Variants in ZBBX observed in about 807,000 individuals in gnomAD.
ZBBX encodes zinc finger B-box domain containing.
ZBBX carries 101 observed loss-of-function variants against 108.5 expected under a neutral mutation model. The ratio of observed to expected loss-of-function variants is 0.93; its 90% CI spans 0.79 to 1.10. ZBBX has a LOEUF of 1.10. Among genes scored for constraint, ZBBX ranks in the 50% least tolerant of loss-of-function variants. The probability of loss-of-function intolerance (pLI) is 0.00; values close to 1 mark genes in which losing one functional copy is unlikely to be tolerated. For synonymous variants in ZBBX, 356 were observed against 323.4 expected, an observed-to-expected ratio of 1.10 and a Z score of -1.08; for missense variants, 1,009 against 941.4, an observed-to-expected ratio of 1.07 and a Z score of -0.94.
At chr3:167,364,405 G>T (rs551935901) in intron 6 of ZBBX, among the ~76,000 whole-genome samples, 1 of 151,562 alleles carries the variant, frequency 6.6e-6, no homozygotes, top group East Asian at 1.9e-4. Context: ...CTTTACTTTC[G>T]TCCTTATAAC....
intron 6 of ZBBX, among the ~76,000 whole-genome samples, chr3:167,361,035 G>A (rs1175888310): frequency 1.3e-5 from 2 of 151,936 alleles, no homozygotes; most frequent in African/African-American, 4.8e-5. Flanking sequence ...TTCAAATATT[G>A]TAAAGGTTTA....
At chr3:167,241,029 G>A (rs943784105) in intron 21 of ZBBX, 110 bp from the exon 22 acceptor site, 10 of 1,278,138 alleles carry the variant, frequency 7.8e-6, no homozygotes, top group Non-Finnish European at 9.6e-6. Context: ...GCAAGCAGAT[G>A]TGAGGGAGCT....
At chr3:167,396,530 C>T (rs551099404) in intron 1 of ZBBX, among the ~76,000 whole-genome samples, 2 of 151,976 alleles carry the variant, frequency 1.3e-5, no homozygotes, top group Non-Finnish European at 2.9e-5. Flanking sequence ...ATTTTCTTTA[C>T]CCAGATTGGG....
At chr3:167,190,178 G>T in the ZBBX span, among the ~76,000 whole-genome samples, 2 of 151,974 alleles carry the variant, frequency 1.3e-5, no homozygotes, top group Non-Finnish European at 2.9e-5. Flanking sequence ...ATAATGTCTA[G>T]ATAGTATAGA....
At chr3:167,383,796 C>G (rs966012169), upstream of ZBBX, among the ~76,000 whole-genome samples, 1 of 152,056 alleles carries the variant, frequency 6.6e-6, no homozygotes, top group Non-Finnish European at 1.5e-5. Context: ...ATTCCAGGCA[C>G]GGCCCTAAGA....
chr3:167,252,091 C>A, intron 20 of ZBBX: 1 of 1,240,188 alleles, frequency 8.1e-7, no homozygotes, highest in Non-Finnish European at 1.1e-6. Flanking sequence ...CTGATATCAG[C>A]CACAGCAATT....
chr3:167,283,014 A>G (rs543466527), intron 19 of ZBBX, among the ~76,000 whole-genome samples: 37 of 152,352 alleles, frequency 2.4e-4, no homozygotes, highest in African/African-American at 8.9e-4. Context: ...CAAAATCTAT[A>G]TGAATATTTG....
intron 11 of ZBBX, 38 bp from the exon 12 acceptor site, chr3:167,322,275 C>A (rs752518596): frequency 2.8e-6 from 4 of 1,412,074 alleles, no homozygotes; most frequent in Middle Eastern, 1.9e-4. Context: ...TTAAAATAAG[C>A]AAGTTTACAA....
At chr3:167,195,337 G>T in the ZBBX span, among the ~76,000 whole-genome samples, 1 of 152,142 alleles carries the variant, frequency 6.6e-6, no homozygotes, top group Non-Finnish European at 1.5e-5. Flanking sequence ...CTGGCAATAA[G>T]AAATTAGTGT....
At chr3:167,300,670 C>T (rs376673019) in intron 17 of ZBBX, among the ~76,000 whole-genome samples, 14 of 149,734 alleles carry the variant, frequency 9.3e-5, no homozygotes, top group African/African-American at 1.7e-4. Context: ...AGTGCAATGG[C>T]GCGACCTCAG....
rs1339851334 is a variant in ZBBX, at chr3:167,305,823, A to T, written c.1545T>A (p.Ser515Arg). Residue 515 changes from serine to arginine, a missense_variant, in exon 17 of 22, where the codon AGT becomes AGA. Transcript: ENST00000675490. ...NLKEKNIGLE[S>R]NQKSDDSCVS... Reference sequence around the variant, plus strand: ...CACAGGAATCATCAGACTTTTGATTACTTTCTAAACCTATATTTTTCTCCT... The same window carrying T: ...CACAGGAATCATCAGACTTTTGATTTCTTTCTAAACCTATATTTTTCTCCT... The T allele has an allele frequency of 6.2e-7, 1 of 1,612,384 alleles. No individual in the cohort carries two copies. Among genetic ancestry groups the T allele is most frequent in the Non-Finnish European group, 8.5e-7 (1 of 1,179,258 alleles).
chr3:167,338,755 G>A (rs1740011390), intron 9 of ZBBX, among the ~76,000 whole-genome samples: 1 of 152,054 alleles, frequency 6.6e-6, no homozygotes, highest in East Asian at 1.9e-4. Flanking sequence ...GAGTTTGTTA[G>A]ACAAAGTGAT....
At chr3:167,187,563 C>A in the ZBBX span, among the ~76,000 whole-genome samples, 1 of 152,138 alleles carries the variant, frequency 6.6e-6, no homozygotes, top group South Asian at 2.1e-4. Context: ...AGTGACAGCA[C>A]CTTCCATTGT....
At chr3:167,209,646 T>C in the ZBBX span, among the ~76,000 whole-genome samples, 1 of 152,156 alleles carries the variant, frequency 6.6e-6, no homozygotes, top group Non-Finnish European at 1.5e-5. Flanking sequence ...AAGACTACAA[T>C]AAATACCTAA....
chr3:167,310,582 G>A (rs972807272), intron 16 of ZBBX, among the ~76,000 whole-genome samples: 3 of 152,102 alleles, frequency 2.0e-5, no homozygotes, highest in African/African-American at 7.2e-5. Flanking sequence ...TGTATTACAT[G>A]TTGGCGAGGG....
chr3:167,316,476 G>T (rs1465816439), intron 14 of ZBBX, among the ~76,000 whole-genome samples: 1 of 152,018 alleles, frequency 6.6e-6, no homozygotes, highest in Non-Finnish European at 1.5e-5. Flanking sequence ...CAGAGCTCTA[G>T]CTCTGACAGG....
intron 9 of ZBBX, among the ~76,000 whole-genome samples, chr3:167,348,450 GAGAA>G (rs1260564726): frequency 7.2e-6 from 1 of 139,570 alleles, no homozygotes; most frequent in African/African-American, 2.7e-5. Flanking sequence ...GAGAGAAGGA[GAGAA>G]AGAGGAAAGA....
chr3:167,376,894 T>C (rs1431326427), intron 2 of ZBBX, among the ~76,000 whole-genome samples: 1 of 152,204 alleles, frequency 6.6e-6, no homozygotes, highest in East Asian at 1.9e-4. Flanking sequence ...TTTCTGGGGA[T>C]AGCAAGGATA....
chr3:167,383,785 T>A (rs1181672959), upstream of ZBBX, among the ~76,000 whole-genome samples: 2 of 152,138 alleles, frequency 1.3e-5, no homozygotes, highest in Non-Finnish European at 2.9e-5. Flanking sequence ...ACACCTGTTC[T>A]ATTCCAGGCA....
Sources: allele counts gnomAD v4.1 joint callset (sites outside exome capture counted in the v4.1 genomes callset), GRCh38; gene constraint gnomAD v4.1.1; transcripts MANE v1.5; gene names NCBI Gene and HGNC (gene_info 2026-07-23, HGNC 2026-07-21).